SLC7A2: variants seen among roughly 807,000 people sequenced by gnomAD.
The protein encoded by SLC7A2 is cationic amino acid transporter 2.
In SLC7A2, 48 loss-of-function variants were observed where a neutral mutation model predicts 58.9. The observed-to-expected ratio is 0.82, with a 90% confidence interval of 0.65 to 1.04. The LOEUF (loss-of-function observed/expected upper bound fraction) is 1.04, where lower values mean the gene tolerates loss of function less well. Ranked by LOEUF, SLC7A2 falls within the 50% of genes least tolerant of loss-of-function variation. The probability of loss-of-function intolerance (pLI) is 0.00; values close to 1 mark genes in which losing one functional copy is unlikely to be tolerated. For missense variants in SLC7A2, 1,029 were observed against 818.8 expected, an observed-to-expected ratio of 1.26 and a Z score of -3.13; for synonymous variants, 363 against 314.5, an observed-to-expected ratio of 1.15 and a Z score of -1.63.
In SLC7A2 at chr8:17,543,693, T is replaced by C; in HGVS notation, c.354T>C (p.Asn118=). 6.6e-7 allele frequency: 1 copy of C among 1,519,114 alleles called. No individual in the cohort carries two copies. Among genetic ancestry groups the C allele is most frequent in the Non-Finnish European group, 8.8e-7 (1 of 1,134,694 alleles). The allele number at this position is 1,519,114 out of a possible 1,614,324, so 94.1% of individuals were successfully genotyped here. The change falls in exon 3 of 13, where the codon AAT becomes AAC. Residue 118 remains asparagine (N), a synonymous_variant. Transcript: ENST00000494857. The part of the protein sequence containing the change: ...GELWAFITGW[N]LILSYVIGTS... ...TGTGGGCCTTCATCACTGGCTGGAA[T>C]CTCATTTTATCGTATGTGATAGGTA... is the stretch of plus-strand genomic sequence containing the variant.
intron 2 of SLC7A2, among the ~76,000 whole-genome samples, chr8:17,507,067 C>T (rs990483272): frequency 6.6e-6 from 1 of 151,860 alleles, no homozygotes; most frequent in African/African-American, 2.4e-5. Context: ...GCCTCAGCCT[C>T]CCAGGTAGCT....
chr8:17,495,086 T>C (rs1799923126), upstream of SLC7A2, among the ~76,000 whole-genome samples: 1 of 152,204 alleles, frequency 6.6e-6, no homozygotes, highest in Non-Finnish European at 1.5e-5. Context: ...AGTAAAAATA[T>C]GTGGGGAAAT....
In SLC7A2 at chr8:17,569,065, G is replaced by A. The variant is rs1016065074; in HGVS notation, c.*3919G>A. On this transcript the variant is annotated 3_prime_UTR_variant, in exon 13 of 13. Transcript: ENST00000494857. ...GCAGGAAGCATAAGGAAAAGCCATC[G>A]GCCTCCAATACCCATGATGACAGAG... 6.6e-6 allele frequency: 1 copy of A among 151,886 alleles called. No individual in the cohort carries two copies. The highest frequency in any genetic ancestry group is 2.4e-5 in the African/African-American group (1 of 41,356). The allele number at this position is 151,886 out of a possible 1,614,324, so 9.4% of individuals were successfully genotyped here. A position where few individuals can be genotyped will look rare whatever the true frequency, so the allele number is the denominator to read the frequency against.
At chr8:17,550,206 C>A in intron 5 of SLC7A2, 95 bp from the exon 6 acceptor site, 1 of 1,184,014 alleles carries the variant, frequency 8.4e-7, no homozygotes, top group Non-Finnish European at 1.2e-6. Context: ...AGCTAATAAA[C>A]ACAACCACCT....
At chr8:17,543,929 C>T (rs767373171) in intron 3 of SLC7A2, among the ~76,000 whole-genome samples, 7 of 152,120 alleles carry the variant, frequency 4.6e-5, no homozygotes, top group South Asian at 4.1e-4. Context: ...AGTGCAGTGG[C>T]GTGATCTCAG....
intron 2 of SLC7A2, among the ~76,000 whole-genome samples, chr8:17,537,144 C>T (rs1279739670): frequency 6.6e-6 from 1 of 152,202 alleles, no homozygotes; most frequent in African/African-American, 2.4e-5. Flanking sequence ...GCAACCTCTG[C>T]CTCCTGAGTT....
At chr8:17,519,149 A>G (rs376608346) in intron 2 of SLC7A2, among the ~76,000 whole-genome samples, 2 of 152,200 alleles carry the variant, frequency 1.3e-5, no homozygotes, top group Non-Finnish European at 2.9e-5. Flanking sequence ...TGTTTGTAAC[A>G]AGCAGCTAGT....
At chr8:17,536,564 C>G (rs112254948) in intron 2 of SLC7A2, among the ~76,000 whole-genome samples, 4 of 152,120 alleles carry the variant, frequency 2.6e-5, no homozygotes, top group Non-Finnish European at 5.9e-5. Context: ...AACGAACAAA[C>G]AATTCTACCT....
At chr8:17,562,207 TTTTTTTTTG>T (rs1803046472) in intron 11 of SLC7A2, 97 bp downstream of exon 11, 1 of 461,416 alleles carries the variant, frequency 2.2e-6, no homozygotes, top group Admixed American at 5.3e-5. Flanking sequence ...TTTTTTTTTT[TTTTTTTTTG>T]GAGATGGAAT....
chr8:17,536,193 G>T (rs1043211094), intron 2 of SLC7A2, among the ~76,000 whole-genome samples: 3 of 152,118 alleles, frequency 2.0e-5, no homozygotes, highest in Admixed American at 2.0e-4. Flanking sequence ...GCTCTTACAT[G>T]CTCCTCATTC....
chr8:17,525,069 C>T (rs577122495), intron 2 of SLC7A2, among the ~76,000 whole-genome samples: 2 of 152,158 alleles, frequency 1.3e-5, no homozygotes, highest in Admixed American at 6.6e-5. Flanking sequence ...CCATTCTCTA[C>T]ATCACATCCT....
chr8:17,530,014 C>A (rs62498007), intron 2 of SLC7A2, among the ~76,000 whole-genome samples: 2,927 of 152,268 alleles, frequency 0.019, 40 homozygotes, highest in Non-Finnish European at 0.028. Context: ...CATTTGCATT[C>A]AACACCAGCA....
At chr8:17,498,675 T>G (rs1229932746) in intron 1 of SLC7A2, 1 of 152,200 alleles carries the variant, frequency 6.6e-6, no homozygotes, top group African/African-American at 2.4e-5. Flanking sequence ...GGAATGGTCA[T>G]TTACCTTAAG....
chr8:17,506,952 T>TTG (rs1347755571), intron 2 of SLC7A2, among the ~76,000 whole-genome samples: 3 of 151,564 alleles, frequency 2.0e-5, no homozygotes, highest in Non-Finnish European at 4.4e-5. Flanking sequence ...TGGAATTTTT[T>TTG]TTTTTTTTTT....
rs187711210 is a variant in SLC7A2 at position 17,520,622 on chromosome 8, C to T, written c.-23+18320C>T. 9.7e-4 allele frequency: 155 copies of T among 160,464 alleles called. 1 individual carries two copies. The highest frequency in any genetic ancestry group is 5.9e-3 in the Admixed American group (39 of 6,596). The allele number at this position is 160,464 out of a possible 1,614,324, so 9.9% of individuals were successfully genotyped here. A position where few individuals can be genotyped will look rare whatever the true frequency, so the allele number is the denominator to read the frequency against. On this transcript the variant is annotated intron_variant, in intron 2 of 12. Coordinates refer to ENST00000494857, the MANE Select transcript of SLC7A2 (RefSeq NM_001370338.1). ...CACCACTGCACTCCAGCCTGGGCAA[C>T]AGAGTGAGACTCTGTCTTTAAAAAA...
At chr8:17,511,894 C>G (rs2150668488) in intron 2 of SLC7A2, among the ~76,000 whole-genome samples, 1 of 152,296 alleles carries the variant, frequency 6.6e-6, no homozygotes, top group Middle Eastern at 3.4e-3. Flanking sequence ...CACCTCCTAA[C>G]ACACTGACAC....
At chr8:17,558,151 A>G in intron 8 of SLC7A2, 144 bp from the exon 9 acceptor site, 1 of 589,392 alleles carries the variant, frequency 1.7e-6, no homozygotes, top group Non-Finnish European at 3.1e-6. Flanking sequence ...ATTAACTGTG[A>G]GAGATATATT....
At chr8:17,494,807 G>C (rs77317817), upstream of SLC7A2, among the ~76,000 whole-genome samples, 8 of 152,330 alleles carry the variant, frequency 5.3e-5, no homozygotes, top group African/African-American at 1.9e-4. Context: ...AAGAACTAGT[G>C]TGTAAAGATA....
At chr8:17,555,008 T>A in intron 8 of SLC7A2, 1 of 1,614,118 alleles carries the variant, frequency 6.2e-7, no homozygotes, top group South Asian at 1.1e-5. Context: ...GATGGCTTAC[T>A]GTTTAGATTT....
Sources: gnomAD v4.1 joint callset for allele counts (sites outside exome capture counted in the v4.1 genomes callset) on GRCh38, gnomAD v4.1.1 for gene constraint, MANE v1.5 for transcripts, NCBI Gene and HGNC (gene_info 2026-07-23, HGNC 2026-07-21) for gene names.